Variants in NRG1 observed in about 807,000 individuals in gnomAD.
NRG1 encodes the protein pro-neuregulin-1, membrane-bound isoform.
NRG1 carries 18 observed loss-of-function variants against 63.8 expected under a neutral mutation model. That is an observed-to-expected ratio of 0.28 (90% CI 0.19 to 0.42). The LOEUF is 0.42. Among genes scored for constraint, NRG1 ranks in the 10% least tolerant of loss-of-function variants. The pLI, the probability that NRG1 is intolerant of heterozygous loss-of-function variation, is 1.00. For synonymous variants in NRG1, 302 were observed against 301.3 expected, an observed-to-expected ratio of 1.00 and a Z score of -0.02; for missense variants, 762 against 814.7, an observed-to-expected ratio of 0.94 and a Z score of 0.79.
chr8:32,584,186 G>A (rs1424369956), intron 1 of NRG1, among the ~76,000 whole-genome samples: 1 of 152,124 alleles, frequency 6.6e-6, no homozygotes, highest in East Asian at 1.9e-4. Flanking sequence ...TAGTTATAGT[G>A]GCCACAGAAT....
intron 5 of NRG1, among the ~76,000 whole-genome samples, chr8:32,655,827 TA>T (rs1801363728): frequency 6.6e-6 from 1 of 152,162 alleles, no homozygotes; most frequent in African/African-American, 2.4e-5. Flanking sequence ...GCATGGTATG[TA>T]AAATTGTGTT....
chr8:32,625,354 A>G (rs927917259), intron 5 of NRG1, among the ~76,000 whole-genome samples: 2 of 152,226 alleles, frequency 1.3e-5, no homozygotes, highest in South Asian at 4.1e-4. Flanking sequence ...ATTCAAGTCC[A>G]TAACCATCTC....
intron 1 of NRG1, among the ~76,000 whole-genome samples, chr8:32,177,504 G>A (rs1034318850): frequency 6.6e-6 from 1 of 151,708 alleles, no homozygotes; most frequent in African/African-American, 2.4e-5. Context: ...TAAAAGACCT[G>A]CATGCATTAG....
intron 1 of NRG1, among the ~76,000 whole-genome samples, chr8:31,660,292 C>T (rs1585471308): frequency 6.6e-6 from 1 of 151,894 alleles, no homozygotes; most frequent in Admixed American, 6.6e-5. Flanking sequence ...GGAGAAAAGA[C>T]ATATTGATGC....
intron 1 of NRG1, among the ~76,000 whole-genome samples, chr8:32,326,779 C>A (rs1378333216): frequency 6.6e-6 from 1 of 152,040 alleles, no homozygotes; most frequent in Non-Finnish European, 1.5e-5. Context: ...AGATTATACT[C>A]AAAGTTCTTC....
At position 32,653,957 on chromosome 8, in the gene NRG1, CGTGTGT is replaced by C. The variant is rs34252278; in HGVS notation, c.502+37089_502+37094del. 2.4e-3 allele frequency among the ~76,000 whole-genome samples: 352 copies of C among 148,782 alleles called. 6 individuals are homozygous for C. The highest frequency in any genetic ancestry group is 6.7e-3 in the African/African-American group (273 of 40,650). ...TGCAGTGAATTTTATCGTGTGTATG[CGTGTGT>C]GTGTGTGTGTGTGTGTAGACATTCA... On this transcript the variant is annotated intron_variant, in intron 5 of 11. Coordinates refer to ENST00000356819, the Ensembl canonical transcript of NRG1.
rs144659281 is a variant in NRG1 at position 32,217,394 on chromosome 8, G to A, written c.38-378434G>A. On this transcript the variant is annotated intron_variant, in intron 1 of 10. Coordinates refer to the NRG1 transcript ENST00000519301. The stretch of plus-strand genomic sequence containing the variant: ...TGACCCTGCCCACACCTAACGGAGC[G>A]TCCCCTGCTCTGCTAGTCAGTCAAC... Among the ~76,000 whole-genome samples, 405 of 152,098 alleles carry A rather than the reference G, an allele frequency of 2.7e-3. 3 individuals are homozygous for A. Among genetic ancestry groups the A allele is most frequent in the African/African-American group, 9.2e-3 (382 of 41,500 alleles).
At chr8:31,641,050 C>T (rs1803723664) in intron 1 of NRG1, among the ~76,000 whole-genome samples, 1 of 152,132 alleles carries the variant, frequency 6.6e-6, no homozygotes, top group South Asian at 2.1e-4. Flanking sequence ...GTGATATGAA[C>T]TTGGCTTTGG....
chr8:31,863,074 T>C (rs758590476), intron 1 of NRG1, among the ~76,000 whole-genome samples: 8 of 152,172 alleles, frequency 5.3e-5, no homozygotes, highest in Non-Finnish European at 1.0e-4. Context: ...CCAGAAATCA[T>C]TGGCTCTTCC....
intron 5 of NRG1, among the ~76,000 whole-genome samples, chr8:32,704,839 T>A (rs936651236): frequency 2.0e-5 from 3 of 152,246 alleles, no homozygotes; most frequent in African/African-American, 7.2e-5. Context: ...TGCATTCATC[T>A]GCTGATGGCC....
chr8:31,886,963 T>C lies in NRG1; in HGVS notation c.37+247532T>C, dbSNP rs193244198. ...TACAAACCCTCCTCTTGGCTTAACA[T>C]TCTCTCTGATGGCTTTCTGCACATT... On this transcript the variant is annotated intron_variant, in intron 1 of 10. Transcript: ENST00000519301. Among the ~76,000 whole-genome samples, 971 of 152,244 alleles carry C rather than the reference T, an allele frequency of 6.4e-3. 7 individuals are homozygous for C. Among genetic ancestry groups the C allele is most frequent in the Non-Finnish European group, 9.0e-3 (610 of 67,996 alleles).
At position 32,044,913 on chromosome 8, in the gene NRG1, C is replaced by CA; in HGVS notation, c.37+405500dup. Among the ~76,000 whole-genome samples, 473 of 57,118 alleles carry CA rather than the reference C, an allele frequency of 8.3e-3. 16 individuals are homozygous for CA. The highest frequency in any genetic ancestry group is 0.031 in the African/African-American group (445 of 14,484). The allele number at this position is 57,118 out of a possible 152,430, so 37.5% of individuals were successfully genotyped here. A position where few individuals can be genotyped will look rare whatever the true frequency, so the allele number is the denominator to read the frequency against. The stretch of plus-strand genomic sequence containing the variant: ...CCTTAAGAACTTACATAAAGAAAAG[C>CA]AAAAAAAAAAAAAAAAAACACACAC... On this transcript the variant is annotated intron_variant, in intron 1 of 10. Transcript: ENST00000519301.
chr8:32,683,002 G>A (rs1809101097), intron 5 of NRG1, among the ~76,000 whole-genome samples: 3 of 151,966 alleles, frequency 2.0e-5, no homozygotes, highest in Admixed American at 1.3e-4. Flanking sequence ...TACTATCACA[G>A]CCATTTAGAG....
At chr8:32,046,385 T>G (rs1821000768) in intron 1 of NRG1, among the ~76,000 whole-genome samples, 1 of 152,086 alleles carries the variant, frequency 6.6e-6, no homozygotes, top group African/African-American at 2.4e-5. Context: ...AAAAATGGGT[T>G]GGCAATTTCT....
intron 1 of NRG1, among the ~76,000 whole-genome samples, chr8:32,517,441 G>A (rs1829937770): frequency 6.6e-6 from 1 of 152,092 alleles, no homozygotes; most frequent in Non-Finnish European, 1.5e-5. Context: ...AGAAGATTTT[G>A]TATTAGGTAT....
At position 32,586,785 on chromosome 8, in the gene NRG1, A is replaced by G. The variant is rs190808998; in HGVS notation, c.101-9043A>G. On this transcript the variant is annotated intron_variant, in intron 1 of 11. Coordinates refer to ENST00000356819, the Ensembl canonical transcript of NRG1. ...GAAATACACACCAGAACTGTTGCAG[A>G]TGAAAGGAGATTTGACCAAATAGTA... Among the ~76,000 whole-genome samples the G allele has an allele frequency of 2.9e-3, 436 of 152,342 alleles. 1 individual carries two copies. Among genetic ancestry groups the G allele is most frequent in the Non-Finnish European group, 4.5e-3 (308 of 68,028 alleles).
At chr8:31,717,560 A>G (rs1284608683) in intron 1 of NRG1, among the ~76,000 whole-genome samples, 1 of 152,206 alleles carries the variant, frequency 6.6e-6, no homozygotes, top group Non-Finnish European at 1.5e-5. Context: ...CTCCAGTCTT[A>G]CAAAGTGGGA....
At chr8:32,478,331 CA>C (rs1824802616) in intron 1 of NRG1, among the ~76,000 whole-genome samples, 1 of 152,172 alleles carries the variant, frequency 6.6e-6, no homozygotes, top group African/African-American at 2.4e-5. Flanking sequence ...CTCTTCAGGC[CA>C]AAGACTTTTG....
At chr8:32,240,181 A>G (rs1344765383) in intron 1 of NRG1, among the ~76,000 whole-genome samples, 1 of 152,200 alleles carries the variant, frequency 6.6e-6, no homozygotes, top group African/African-American at 2.4e-5. Flanking sequence ...CTGGTTAAAC[A>G]AACTGTAGCA....
Sources: gnomAD v4.1 joint callset for allele counts (sites outside exome capture counted in the v4.1 genomes callset) on GRCh38, gnomAD v4.1.1 for gene constraint, MANE v1.5 for transcripts, NCBI Gene and HGNC (gene_info 2026-07-23, HGNC 2026-07-21) for gene names.